The following ST6GALNAC5 variants were observed in gnomAD, a reference collection of about 807,000 sequenced individuals.
ST6GALNAC5 encodes the protein alpha-N-acetylgalactosaminide alpha-2,6-sialyltransferase 5.
In ST6GALNAC5, 27 loss-of-function variants were observed where a neutral mutation model predicts 33.6. That is an observed-to-expected ratio of 0.80 (90% CI 0.59 to 1.11). ST6GALNAC5 has a LOEUF of 1.11. Among genes scored for constraint, ST6GALNAC5 ranks in the 50% least tolerant of loss-of-function variants. The pLI, the probability that ST6GALNAC5 is intolerant of heterozygous loss-of-function variation, is 0.00. For synonymous variants in ST6GALNAC5, 194 were observed against 171.2 expected, an observed-to-expected ratio of 1.13 and a Z score of -1.04; for missense variants, 428 against 454.0, an observed-to-expected ratio of 0.94 and a Z score of 0.52.
chr1:76,908,645 C>T (rs967699363), intron 2 of ST6GALNAC5, among the ~76,000 whole-genome samples: 19 of 152,118 alleles, frequency 1.2e-4, no homozygotes, highest in Non-Finnish European at 8.8e-5. Flanking sequence ...CTAGGTTAGA[C>T]CTTTGCCTGT....
chr1:76,868,488 C>G lies in ST6GALNAC5; in HGVS notation c.16-9C>G. 6.3e-7 allele frequency: 1 copy of G among 1,598,190 alleles called. No individual in the cohort carries two copies. Among genetic ancestry groups the G allele is most frequent in the South Asian group, 1.1e-5 (1 of 89,776 alleles). The stretch of plus-strand genomic sequence containing the variant: ...CCGCTCTCCTCTTCTCTCTCCCGCC[C>G]GCCCGCAGCGCCATGGTCTGGCAGT... On this transcript the variant is annotated splice_polypyrimidine_tract_variant and intron_variant, in intron 1 of 4. Coordinates refer to ENST00000477717, the MANE Select transcript of ST6GALNAC5 (RefSeq NM_030965.3). The surrounding 1 kb of genome is among the most constrained non-coding windows in gnomAD (Gnocchi z 4.3).
intron 2 of ST6GALNAC5, among the ~76,000 whole-genome samples, chr1:76,992,549 C>T (rs1381956534): frequency 6.6e-6 from 1 of 152,138 alleles, no homozygotes; most frequent in Non-Finnish European, 1.5e-5. Flanking sequence ...GTTTGGAGTT[C>T]GATGGTGCAA....
intron 2 of ST6GALNAC5, among the ~76,000 whole-genome samples, chr1:77,038,715 T>G (rs1651738671): frequency 6.6e-6 from 1 of 152,226 alleles, no homozygotes; most frequent in Non-Finnish European, 1.5e-5. Context: ...GCTCTTGCTC[T>G]TCAGGCTGTG....
chr1:77,058,014 G>C (rs539382559), intron 4 of ST6GALNAC5, among the ~76,000 whole-genome samples: 2 of 152,316 alleles, frequency 1.3e-5, no homozygotes, highest in South Asian at 4.1e-4. Flanking sequence ...GGGCTCCTCT[G>C]TAGCAAGAGC....
At chr1:77,056,034 A>T (rs1259323420) in intron 4 of ST6GALNAC5, among the ~76,000 whole-genome samples, 1 of 152,214 alleles carries the variant, frequency 6.6e-6, no homozygotes, top group African/African-American at 2.4e-5. Flanking sequence ...TTTTATTTTC[A>T]GCCAGAGCCA....
intron 2 of ST6GALNAC5, among the ~76,000 whole-genome samples, chr1:76,993,401 A>T (rs1649810857): frequency 6.6e-6 from 1 of 152,220 alleles, no homozygotes; most frequent in African/African-American, 2.4e-5. Flanking sequence ...ACACTTTATT[A>T]GCCTACATTT....
intron 2 of ST6GALNAC5, among the ~76,000 whole-genome samples, chr1:76,961,579 C>T (rs1648243511): frequency 6.6e-6 from 1 of 152,220 alleles, no homozygotes; most frequent in Non-Finnish European, 1.5e-5. Flanking sequence ...GCCTGTGCAC[C>T]AGCCCCTGGC....
chr1:77,061,298 T>A (rs940137706), intron 4 of ST6GALNAC5, among the ~76,000 whole-genome samples: 1 of 152,160 alleles, frequency 6.6e-6, no homozygotes, highest in Non-Finnish European at 1.5e-5. Context: ...AACTTTAACC[T>A]AAGAGGAGAA....
chr1:76,949,354 G>GGCCTGTTTGT (rs1647653877), intron 2 of ST6GALNAC5, among the ~76,000 whole-genome samples: 1 of 152,080 alleles, frequency 6.6e-6, no homozygotes, highest in Admixed American at 6.5e-5. Context: ...GGCCTGTTTG[G>GGCCTGTTTGT]GGCTCAGTTT....
chr1:76,986,380 A>G (rs1220482638), intron 2 of ST6GALNAC5, among the ~76,000 whole-genome samples: 2 of 152,274 alleles, frequency 1.3e-5, no homozygotes, highest in African/African-American at 4.8e-5. Context: ...TCTCAAAAGA[A>G]GACATCTATG....
chr1:76,895,471 T>C (rs1654109547), intron 2 of ST6GALNAC5, among the ~76,000 whole-genome samples: 2 of 152,096 alleles, frequency 1.3e-5, no homozygotes, highest in Non-Finnish European at 2.9e-5. Flanking sequence ...GGTGATGGCC[T>C]GGATATGGTT....
chr1:77,025,786 C>T (rs1280988244), intron 2 of ST6GALNAC5, among the ~76,000 whole-genome samples: 2 of 152,166 alleles, frequency 1.3e-5, no homozygotes, highest in Non-Finnish European at 2.9e-5. Context: ...TCCCTCCCTC[C>T]TGCTGCCCCT....
chr1:76,996,585 A>G (rs989964481), intron 2 of ST6GALNAC5, among the ~76,000 whole-genome samples: 3 of 152,194 alleles, frequency 2.0e-5, no homozygotes, highest in Non-Finnish European at 4.4e-5. Context: ...AACAACTATT[A>G]GCTCAAGTTC....
chr1:76,931,765 T>A (rs1168335058), intron 2 of ST6GALNAC5, among the ~76,000 whole-genome samples: 1 of 152,118 alleles, frequency 6.6e-6, no homozygotes, highest in Non-Finnish European at 1.5e-5. Context: ...GTTATTAGCA[T>A]CTTCCAGGTG....
chr1:76,907,309 G>C (rs910921606), intron 2 of ST6GALNAC5, among the ~76,000 whole-genome samples: 2 of 151,824 alleles, frequency 1.3e-5, no homozygotes, highest in African/African-American at 4.8e-5. Flanking sequence ...TACTACTCTC[G>C]CTGATGTGAA....
At chr1:77,007,823 G>T (rs1260698131) in intron 2 of ST6GALNAC5, among the ~76,000 whole-genome samples, 1 of 152,216 alleles carries the variant, frequency 6.6e-6, no homozygotes, top group Non-Finnish European at 1.5e-5. Flanking sequence ...ATACAAGACT[G>T]ATGGATTCGC....
At chr1:76,967,624 A>G (rs1648553726) in intron 2 of ST6GALNAC5, among the ~76,000 whole-genome samples, 1 of 152,058 alleles carries the variant, frequency 6.6e-6, no homozygotes, top group African/African-American at 2.4e-5. Context: ...GCATTCTGCT[A>G]GCTTTTGAAT....
intron 2 of ST6GALNAC5, among the ~76,000 whole-genome samples, chr1:76,943,635 A>G (rs1034181852): frequency 6.6e-6 from 1 of 152,074 alleles, no homozygotes; most frequent in African/African-American, 2.4e-5. Flanking sequence ...ACCACAGAAC[A>G]TGCAACCTTT....
At chr1:76,968,645 C>T (rs575169687) in intron 2 of ST6GALNAC5, among the ~76,000 whole-genome samples, 3 of 152,116 alleles carry the variant, frequency 2.0e-5, no homozygotes, top group Non-Finnish European at 2.9e-5. Context: ...GGTTATTTTG[C>T]CCATTAGTTG....
Sources: gnomAD v4.1 joint callset for allele counts (sites outside exome capture counted in the v4.1 genomes callset) on GRCh38, gnomAD v4.1.1 for gene constraint, Gnocchi (gnomAD v3.1) non-coding constraint, MANE v1.5 for transcripts, NCBI Gene and HGNC (gene_info 2026-07-23, HGNC 2026-07-21) for gene names.